Variants in NOL4 observed in about 807,000 individuals in gnomAD.
NOL4 encodes the protein cancer/testis antigen 125.
NOL4 carries 17 observed loss-of-function variants against 75.9 expected under a neutral mutation model. That is an observed-to-expected ratio of 0.22 (90% CI 0.15 to 0.34). NOL4 has a LOEUF of 0.34. Among genes scored for constraint, NOL4 ranks in the 10% least tolerant of loss-of-function variants. The pLI is 1.00. For missense variants in NOL4, 614 were observed against 793.5 expected, an observed-to-expected ratio of 0.77 and a Z score of 2.72; for synonymous variants, 292 against 289.9, an observed-to-expected ratio of 1.01 and a Z score of -0.07.
At chr18:33,878,761 A>G (rs1265866201) in intron 10 of NOL4, among the ~76,000 whole-genome samples, 2 of 152,112 alleles carry the variant, frequency 1.3e-5, no homozygotes, top group Non-Finnish European at 2.9e-5. Flanking sequence ...AAACAAAAAA[A>G]TACATCGGAA....
intron 10 of NOL4, 25 bp downstream of exon 10, chr18:33,883,219 A>AC: frequency 1.3e-6 from 2 of 1,537,554 alleles, no homozygotes; most frequent in East Asian, 2.3e-5. Context: ...TTAAAAAAAA[A>AC]ACACAATCTA....
intron 9 of NOL4, among the ~76,000 whole-genome samples, chr18:33,924,094 T>C (rs562390429): frequency 1.3e-5 from 2 of 152,264 alleles, no homozygotes; most frequent in African/African-American, 4.8e-5. Context: ...CGTGTTGCAT[T>C]TAGGGCAGAA....
chr18:34,222,837 G>A (rs1439748576), intron 1 of NOL4, 153 bp downstream of exon 1: 27 of 953,660 alleles, frequency 2.8e-5, no homozygotes, highest in Admixed American at 5.2e-5. Context: ...TGGCTAATGC[G>A]AGTGGGGACG....
chr18:34,072,506 A>AT (rs1476982308), intron 5 of NOL4, among the ~76,000 whole-genome samples: 1 of 152,220 alleles, frequency 6.6e-6, no homozygotes, highest in Non-Finnish European at 1.5e-5. Context: ...GTAGTTTGAG[A>AT]TTTTAACATG....
At chr18:33,950,196 G>T (rs1414595656) in intron 8 of NOL4, among the ~76,000 whole-genome samples, 1 of 150,280 alleles carries the variant, frequency 6.7e-6, no homozygotes, top group Non-Finnish European at 1.5e-5. Flanking sequence ...TCAATTCTTG[G>T]CCTTTTGGTT....
chr18:34,090,092 T>A lies in NOL4; in HGVS notation c.772+3373A>T, dbSNP rs567563801. ...TCTGAGTATGTATATGGGTGTGTATTTGTAAACAGGAAAAAAAGAAATTTT... is the reference window on the plus strand; with the variant it reads ...TCTGAGTATGTATATGGGTGTGTATATGTAAACAGGAAAAAAAGAAATTTT... On this transcript the variant is annotated intron_variant, in intron 5 of 10. Coordinates refer to ENST00000261592, the MANE Select transcript of NOL4 (RefSeq NM_003787.5). Among the ~76,000 whole-genome samples, 81 of 152,148 alleles carry A rather than the reference T, an allele frequency of 5.3e-4. 1 individual carries two copies. Among genetic ancestry groups the A allele is most frequent in the Non-Finnish European group, 1.8e-4 (12 of 68,024 alleles).
chr18:34,025,363 T>A lies in NOL4; in HGVS notation c.773-5762A>T, dbSNP rs545835786. 2.0e-5 allele frequency among the ~76,000 whole-genome samples: 3 copies of A among 152,194 alleles called. No homozygotes were observed. The South Asian group carries it at 6.2e-4, about 32-fold the overall frequency. On this transcript the variant is annotated intron_variant, in intron 5 of 10. Coordinates refer to ENST00000261592, the MANE Select transcript of NOL4 (RefSeq NM_003787.5). ...AGAAAAGGCCTTTACCTGGGTCAAGTGTATGTTTGGAAAATCAAGAATCTT... is the reference window on the plus strand; with the variant it reads ...AGAAAAGGCCTTTACCTGGGTCAAGAGTATGTTTGGAAAATCAAGAATCTT...
chr18:34,019,291 A>C, intron 6 of NOL4, 27 bp downstream of exon 6: 1 of 1,598,454 alleles, frequency 6.3e-7, no homozygotes, highest in Non-Finnish European at 8.5e-7. Flanking sequence ...CAACTCAAAA[A>C]TTCTGGAAAT....
intron 1 of NOL4, among the ~76,000 whole-genome samples, chr18:34,144,725 T>C (rs2081328341): frequency 6.6e-6 from 1 of 152,182 alleles, no homozygotes; most frequent in Non-Finnish European, 1.5e-5. Flanking sequence ...TACATGCATA[T>C]AAAAATTTAA....
chr18:34,175,272 C>T (rs548087386), intron 1 of NOL4, among the ~76,000 whole-genome samples: 2 of 152,220 alleles, frequency 1.3e-5, no homozygotes, highest in Admixed American at 6.6e-5. Context: ...AACAGGCTGC[C>T]TCTTGTCGAC....
chr18:33,947,529 A>C (rs528897343), intron 8 of NOL4, among the ~76,000 whole-genome samples: 1 of 152,008 alleles, frequency 6.6e-6, no homozygotes, highest in African/African-American at 2.4e-5. Context: ...CTGTGGCTGA[A>C]GATAACTCAG....
At chr18:34,071,924 A>G (rs1045763135) in intron 5 of NOL4, among the ~76,000 whole-genome samples, 14 of 152,158 alleles carry the variant, frequency 9.2e-5, no homozygotes, top group African/African-American at 3.4e-4. Context: ...TAAATATTAC[A>G]AAACAGTTTA....
intron 10 of NOL4, among the ~76,000 whole-genome samples, chr18:33,864,889 G>T (rs1428704470): frequency 6.6e-6 from 1 of 152,132 alleles, no homozygotes; most frequent in African/African-American, 2.4e-5. Context: ...AGTATGTGAA[G>T]GAGGAACTGT....
intron 10 of NOL4, among the ~76,000 whole-genome samples, chr18:33,879,972 T>C (rs1388315433): frequency 6.6e-6 from 1 of 152,118 alleles, no homozygotes; most frequent in African/African-American, 2.4e-5. Context: ...TGCATTGAGC[T>C]AGTCATGATA....
intron 5 of NOL4, among the ~76,000 whole-genome samples, chr18:34,024,273 C>T (rs1009332563): frequency 3.4e-5 from 5 of 145,192 alleles, no homozygotes; most frequent in Admixed American, 7.0e-5. Context: ...AGGTCAGATG[C>T]TCACAGGGTC....
intron 4 of NOL4, among the ~76,000 whole-genome samples, chr18:34,094,190 C>T (rs1471213770): frequency 6.6e-6 from 1 of 152,036 alleles, no homozygotes; most frequent in Non-Finnish European, 1.5e-5. Context: ...AAGAGAAATA[C>T]AAGTTTTGAT....
chr18:33,952,822 G>A (rs879422623), intron 8 of NOL4, among the ~76,000 whole-genome samples: 1 of 152,170 alleles, frequency 6.6e-6, no homozygotes, highest in Non-Finnish European at 1.5e-5. Context: ...TACTCAGGAG[G>A]CTGAGGCAGG....
At chr18:34,175,601 G>A (rs980686800) in intron 1 of NOL4, among the ~76,000 whole-genome samples, 2 of 152,050 alleles carry the variant, frequency 1.3e-5, no homozygotes, top group African/African-American at 4.8e-5. Context: ...AAGAGGTAAA[G>A]GTTAGGAAAG....
At chr18:33,945,859 T>G (rs549318829) in intron 8 of NOL4, among the ~76,000 whole-genome samples, 1 of 151,846 alleles carries the variant, frequency 6.6e-6, no homozygotes, top group African/African-American at 2.4e-5. Flanking sequence ...TACAAGTTTC[T>G]TCTCTCAACT....
Sources: allele counts gnomAD v4.1 joint callset (sites outside exome capture counted in the v4.1 genomes callset), GRCh38; gene constraint gnomAD v4.1.1; transcripts MANE v1.5; gene names NCBI Gene and HGNC (gene_info 2026-07-23, HGNC 2026-07-21).